Variants in SLX9 observed in about 807,000 individuals in gnomAD.
SLX9 encodes SLX9 ribosome biogenesis factor.
Under a neutral mutation model 20.8 loss-of-function variants are expected in SLX9, and 19 were observed. The observed-to-expected ratio is 0.91, with a 90% CI of 0.64 to 1.34. SLX9 has a LOEUF of 1.34. Among genes scored for constraint, SLX9 ranks in the 40% most tolerant of loss-of-function variants. The pLI, the probability that SLX9 is intolerant of heterozygous loss-of-function variation, is 0.00. For missense variants in SLX9, 299 were observed against 322.2 expected (o/e 0.93, Z 0.55); for synonymous variants, 113 against 137.1 (o/e 0.82, Z 1.23).
intron 4 of SLX9, among the ~76,000 whole-genome samples, chr21:44,971,530 C>G (rs576737403): frequency 6.6e-6 from 1 of 152,260 alleles, no homozygotes; most frequent in African/African-American, 2.4e-5. Flanking sequence ...GCTTTGGGAC[C>G]TTGGGAGGCA....
chr21:44,967,132 C>A lies in SLX9; in HGVS notation c.451C>A (p.Leu151Met). 3 of 1,605,548 alleles carry A rather than the reference C, an allele frequency of 1.9e-6. No homozygotes were observed. Among genetic ancestry groups the A allele is most frequent in the Non-Finnish European group, 2.6e-6 (3 of 1,176,346 alleles). Residue 151 changes from leucine to methionine, a missense_variant, in exon 4 of 6, where the codon CTG (leucine) becomes ATG (methionine). Transcript: ENST00000291634. ...VGDLHPLRDA[L>M]PELLGLEAGS... ...GGACCTGCACCCTCTCAGGGATGCC[C>A]TGCCCGAGCTGCTGGGGCTCGAGGC...
At chr21:44,966,896 G>T in intron 3 of SLX9, 138 bp from the exon 4 acceptor site, 1 of 1,108,774 alleles carries the variant, frequency 9.0e-7, no homozygotes, top group Non-Finnish European at 1.3e-6. Context: ...GTTCCCAGGG[G>T]CGGAATGGGG....
rs770062572 is a variant in SLX9, at chr21:44,960,104, A to G, written c.288A>G (p.Ala96=). 3.7e-6 allele frequency: 6 copies of G among 1,614,114 alleles called. No homozygotes were observed. Among genetic ancestry groups the G allele is most frequent in the East Asian group, 4.5e-5 (2 of 44,902 alleles). The change falls in exon 3 of 6, where the codon GCA becomes GCG. Residue 96 remains alanine (A), a synonymous_variant. Transcript: ENST00000291634. ...ARSVPSIRRG[A]EAKTVLPKKE... is the part of the protein sequence containing the mutation. ...TCCCGTGTTCTCTTTCCTCAGGTGC[A>G]GAGGCCAAGACCGTTTTGCCCAAGA...
At chr21:44,944,320 C>T (rs915485550) in intron 2 of SLX9, among the ~76,000 whole-genome samples, 3 of 152,198 alleles carry the variant, frequency 2.0e-5, no homozygotes, top group Non-Finnish European at 4.4e-5. Context: ...CAGCCCTTCC[C>T]GTCTCCTGGT....
In SLX9 at chr21:44,940,097, G is replaced by C. The variant is rs1278919325; in HGVS notation, c.40G>C (p.Ala14Pro). ...GGGGTTGCGCGCCCGAGTGCACCAGGCTGCCGTGAGGCCGAAAGGGGAGGC... is the reference window on the plus strand; with the variant it reads ...GGGGTTGCGCGCCCGAGTGCACCAGCCTGCCGTGAGGCCGAAAGGGGAGGC... ...VRGLRARVHQ[A>P]AVRPKGEAAP... Residue 14 changes from alanine to proline, a missense_variant, in exon 1 of 6, where the codon GCT becomes CCT. Ala to Pro is a conservative substitution (Grantham distance 27, BLOSUM62 -1). Coordinates refer to ENST00000291634, the MANE Select transcript of SLX9 (RefSeq NM_058190.4). 6.9e-7 allele frequency: 1 copy of C among 1,439,940 alleles called. No individual in the cohort carries two copies. The highest frequency in any genetic ancestry group is 1.5e-5 in the South Asian group (1 of 68,706). 89.2% of individuals were successfully genotyped at this position (1,439,940 alleles called of 1,614,324 possible).
chr21:44,960,639 G>C (rs1601404102), intron 3 of SLX9, among the ~76,000 whole-genome samples: 1 of 152,284 alleles, frequency 6.6e-6, no homozygotes, highest in African/African-American at 2.4e-5. Flanking sequence ...GGTGAAAACA[G>C]TGTCTGCGCA....
intron 3 of SLX9, among the ~76,000 whole-genome samples, chr21:44,961,838 C>CT (rs2083453569): frequency 6.6e-6 from 1 of 152,132 alleles, no homozygotes; most frequent in African/African-American, 2.4e-5. Flanking sequence ...TTCAGTTACT[C>CT]TGCTTATCTG....
chr21:44,964,333 C>T (rs1314002887), intron 3 of SLX9, among the ~76,000 whole-genome samples: 1 of 151,768 alleles, frequency 6.6e-6, no homozygotes, highest in Non-Finnish European at 1.5e-5. Context: ...GGATTTTTTC[C>T]CTCAATTTGC....
rs2085111976 is a variant in SLX9, at chr21:44,969,924, T to C, written c.500+2743T>C. Among the ~76,000 whole-genome samples, 3 of 117,406 alleles carry C rather than the reference T, an allele frequency of 2.6e-5. No homozygotes were observed. In the Admixed American group the frequency reaches 2.7e-4, roughly 11 times the overall value. 77.0% of individuals were successfully genotyped at this position (117,406 alleles called of 152,430 possible). ...TTGGTTTTAATGACCTTGACTGTTCTGAGGAAGCTGCCTGTCAGCTGAAGA... is the reference window on the plus strand; with the variant it reads ...TTGGTTTTAATGACCTTGACTGTTCCGAGGAAGCTGCCTGTCAGCTGAAGA... On this transcript the variant is annotated intron_variant, in intron 4 of 5. Coordinates refer to ENST00000291634, the MANE Select transcript of SLX9 (RefSeq NM_058190.4).
chr21:44,963,133 G>T (rs373906100), intron 3 of SLX9, among the ~76,000 whole-genome samples: 1 of 149,970 alleles, frequency 6.7e-6, no homozygotes, highest in Non-Finnish European at 1.5e-5. Flanking sequence ...TCTGTCGCCA[G>T]GCTGGAGTGC....
chr21:44,960,218 C>T lies in SLX9; in HGVS notation c.352+50C>T, dbSNP rs544025978. 367 of 1,551,054 alleles carry T rather than the reference C, an allele frequency of 2.4e-4. 1 individual carries two copies. In the South Asian group the frequency reaches 2.6e-3, roughly 11 times the overall value. The stretch of plus-strand genomic sequence containing the variant: ...GCAGCTGCCGGCCCAAGTCCCATCC[C>T]GTGGGCCCTCCTATTCCTACAGCCT... On this transcript the variant is annotated intron_variant, in intron 3 of 5. Transcript: ENST00000291634.
At chr21:44,958,090 T>C (rs1343320937) in intron 2 of SLX9, among the ~76,000 whole-genome samples, 3 of 152,238 alleles carry the variant, frequency 2.0e-5, no homozygotes, top group Non-Finnish European at 2.9e-5. Context: ...GTATTCCTGG[T>C]GCCCACTCGG....
At chr21:44,969,665 G>T (rs575931985) in intron 4 of SLX9, among the ~76,000 whole-genome samples, 1 of 152,202 alleles carries the variant, frequency 6.6e-6, no homozygotes, top group Non-Finnish European at 1.5e-5. Flanking sequence ...CCCCGTCCCC[G>T]CATGCTGTTG....
intron 2 of SLX9, among the ~76,000 whole-genome samples, chr21:44,948,380 A>G (rs552901972): frequency 0.019 from 2,411 of 125,548 alleles, 24 homozygotes; most frequent in Non-Finnish European, 0.027. Context: ...GGAGCTGGTC[A>G]TGCAGCATCG....
Position 44,969,042 on chromosome 21 carries a change from C to G in SLX9, c.500+1861C>G, listed in dbSNP as rs569139824. 177 of 417,932 alleles carry G rather than the reference C, an allele frequency of 4.2e-4. 1 individual carries two copies. Among genetic ancestry groups the G allele is most frequent in the Non-Finnish European group, 8.0e-4 (155 of 194,932 alleles). The allele number at this position is 417,932 out of a possible 1,614,324, so 25.9% of individuals were successfully genotyped here. On this transcript the variant is annotated intron_variant, in intron 4 of 5. Transcript: ENST00000291634. ...TGCTGGGATTACAGGCGTGAGCCAC[C>G]GCGCCTGGCCTAATTTTGCTGTTTA...
At chr21:44,956,887 C>T (rs991541102) in intron 2 of SLX9, among the ~76,000 whole-genome samples, 11 of 152,222 alleles carry the variant, frequency 7.2e-5, no homozygotes, top group African/African-American at 1.7e-4. Context: ...TGGTTTACCG[C>T]GTCTGTTCCC....
At chr21:44,966,681 G>A (rs2085041305) in intron 3 of SLX9, among the ~76,000 whole-genome samples, 2 of 152,102 alleles carry the variant, frequency 1.3e-5, no homozygotes, top group Non-Finnish European at 2.9e-5. Context: ...TTAAGTTGAG[G>A]GCCCCTTTTC....
chr21:44,945,644 C>T (rs866302863), intron 2 of SLX9, among the ~76,000 whole-genome samples: 13 of 152,212 alleles, frequency 8.5e-5, no homozygotes, highest in African/African-American at 2.9e-4. Context: ...GGGCTGAGGT[C>T]GTGCCCAGCA....
chr21:44,943,936 C>T, intron 2 of SLX9, 99 bp downstream of exon 2: 1 of 1,507,732 alleles, frequency 6.6e-7, no homozygotes, highest in East Asian at 2.4e-5. Context: ...CTAACCTGTA[C>T]CTGACAATGT....
Sources: allele counts gnomAD v4.1 joint callset (sites outside exome capture counted in the v4.1 genomes callset), GRCh38; gene constraint gnomAD v4.1.1; transcripts MANE v1.5; gene names NCBI Gene and HGNC (gene_info 2026-07-23, HGNC 2026-07-21).